Variants in CEP128 observed in about 807,000 individuals in gnomAD.
CEP128 encodes centrosomal protein 128kDa.
CEP128 carries 132 observed loss-of-function variants against 156.7 expected under a neutral mutation model. The observed-to-expected ratio is 0.84, with a 90% CI of 0.73 to 0.97. CEP128 has a LOEUF of 0.97. Among genes scored for constraint, CEP128 ranks in the 50% least tolerant of loss-of-function variants. The pLI is 0.00. For missense variants in CEP128, 1,252 were observed against 1,281.9 expected (o/e 0.98, Z 0.36); for synonymous variants, 469 against 448.9 (o/e 1.04, Z -0.57).
chr14:80,500,693 T>C (rs1020279158), intron 24 of CEP128, among the ~76,000 whole-genome samples: 1 of 152,216 alleles, frequency 6.6e-6, no homozygotes, highest in Non-Finnish European at 1.5e-5. Context: ...TTTTATTTTC[T>C]GTATTTATTT....
chr14:80,509,065 C>T (rs540033138), intron 23 of CEP128, among the ~76,000 whole-genome samples: 4 of 152,136 alleles, frequency 2.6e-5, no homozygotes, highest in Non-Finnish European at 5.9e-5. Context: ...TGAAAACCAT[C>T]AGATCTTGTG....
intron 19 of CEP128, among the ~76,000 whole-genome samples, chr14:80,628,116 T>C (rs1031237987): frequency 3.9e-5 from 6 of 152,330 alleles, no homozygotes; most frequent in African/African-American, 1.2e-4. Flanking sequence ...ATATGGTGGT[T>C]TGACAGATCA....
At chr14:80,850,375 G>A (rs996612372) in intron 9 of CEP128, among the ~76,000 whole-genome samples, 3 of 152,170 alleles carry the variant, frequency 2.0e-5, no homozygotes, top group African/African-American at 7.2e-5. Context: ...TTAATAAACA[G>A]TGTCTACTAC....
intron 2 of CEP128, among the ~76,000 whole-genome samples, chr14:80,929,830 T>C (rs778884470): frequency 2.6e-5 from 4 of 152,140 alleles, no homozygotes; most frequent in African/African-American, 7.2e-5. Context: ...GATTCATCCA[T>C]GTAACCAAAA....
intron 8 of CEP128, among the ~76,000 whole-genome samples, chr14:80,872,958 T>A (rs1334841925): frequency 6.6e-6 from 1 of 152,170 alleles, no homozygotes. Context: ...TACACACCCA[T>A]AAGAAATTTG....
rs553605094 is a variant in CEP128 at position 80,722,111 on chromosome 14, A to T, written c.2806+20964T>A. The stretch of plus-strand genomic sequence containing the variant: ...TTCTCTAAAAGAAATGTAAGAGGGC[A>T]TTTTTCTTGTTTCAGAGCATGGACA... On this transcript the variant is annotated intron_variant, in intron 19 of 24. Coordinates refer to ENST00000555265, the MANE Select transcript of CEP128 (RefSeq NM_152446.5). Among the ~76,000 whole-genome samples the T allele has an allele frequency of 3.5e-3, 539 of 152,216 alleles. 5 individuals are homozygous for T. The highest frequency in any genetic ancestry group is 0.013 in the African/African-American group (526 of 41,534).
At chr14:80,782,060 T>C (rs2139792023) in intron 15 of CEP128, among the ~76,000 whole-genome samples, 1 of 152,318 alleles carries the variant, frequency 6.6e-6, no homozygotes, top group Non-Finnish European at 1.5e-5. Context: ...AATCATTACA[T>C]GCTTGTCCTC....
chr14:80,639,293 C>A (rs1894314503), intron 19 of CEP128, among the ~76,000 whole-genome samples: 1 of 152,048 alleles, frequency 6.6e-6, no homozygotes, highest in Admixed American at 6.5e-5. Flanking sequence ...TGAGTTCAGA[C>A]AAAACAATTT....
chr14:80,623,876 A>T (rs987815808), intron 19 of CEP128, among the ~76,000 whole-genome samples: 2 of 152,358 alleles, frequency 1.3e-5, no homozygotes, highest in African/African-American at 4.8e-5. Flanking sequence ...TGAGCAAATC[A>T]GGGTAATTAA....
intron 16 of CEP128, among the ~76,000 whole-genome samples, chr14:80,770,246 G>A (rs1182364433): frequency 2.6e-5 from 4 of 152,182 alleles, no homozygotes; most frequent in Non-Finnish European, 5.9e-5. Context: ...CTCTTTGATT[G>A]TAAATAGTTG....
intron 2 of CEP128, among the ~76,000 whole-genome samples, chr14:80,949,136 A>G (rs1376006395): frequency 2.0e-5 from 3 of 152,202 alleles, no homozygotes; most frequent in South Asian, 2.1e-4. Flanking sequence ...AATGCTTTTC[A>G]AGGCAGCGGC....
At position 80,654,345 on chromosome 14, in the gene CEP128, G is replaced by C. The variant is rs978422919; in HGVS notation, c.2807-73922C>G. On this transcript the variant is annotated intron_variant, in intron 19 of 24. Transcript: ENST00000555265. ...CCAAGATAGGAAGATGAAGGGCTTG[G>C]GAGATACAGTTTTTATTTTGTCGTT... is the stretch of plus-strand genomic sequence containing the variant. 3.3e-5 allele frequency among the ~76,000 whole-genome samples: 5 copies of C among 152,090 alleles called. No individual in the cohort carries two copies. The East Asian group carries it at 9.6e-4, about 29-fold the overall frequency.
intron 19 of CEP128, among the ~76,000 whole-genome samples, chr14:80,737,139 C>T (rs1898572026): frequency 6.6e-6 from 1 of 152,198 alleles, no homozygotes; most frequent in Non-Finnish European, 1.5e-5. Context: ...GGTGCAGTGG[C>T]TCATGCCTGT....
intron 7 of CEP128, among the ~76,000 whole-genome samples, chr14:80,899,550 G>A (rs1169494587): frequency 6.6e-6 from 1 of 152,154 alleles, no homozygotes; most frequent in Non-Finnish European, 1.5e-5. Context: ...AATGGCTTAT[G>A]TCCACTGACA....
At chr14:80,918,573 A>C (rs570335827) in intron 2 of CEP128, among the ~76,000 whole-genome samples, 1 of 152,320 alleles carries the variant, frequency 6.6e-6, no homozygotes, top group South Asian at 2.1e-4. Context: ...TAGAATGCAA[A>C]CCCAAGATTC....
At chr14:80,853,711 T>C (rs1887009798) in intron 9 of CEP128, among the ~76,000 whole-genome samples, 1 of 151,972 alleles carries the variant, frequency 6.6e-6, no homozygotes, top group Admixed American at 6.6e-5. Context: ...TTTCATGGAA[T>C]AGGACAAGAG....
chr14:80,528,348 G>T (rs1271084113), intron 22 of CEP128, among the ~76,000 whole-genome samples: 1 of 152,244 alleles, frequency 6.6e-6, no homozygotes, highest in East Asian at 1.9e-4. Flanking sequence ...GAGTGCAATG[G>T]CACGATCTCA....
At chr14:80,955,830 A>G in intron 2 of CEP128, 1 of 1,614,186 alleles carries the variant, frequency 6.2e-7, no homozygotes, top group African/African-American at 1.3e-5. Context: ...TCCCCAGCTT[A>G]CCGCCCAGTA....
At chr14:80,681,009 ATATACCATGCTGGC>A (rs1595206848) in intron 19 of CEP128, among the ~76,000 whole-genome samples, 3 of 144,612 alleles carry the variant, frequency 2.1e-5, no homozygotes, top group South Asian at 2.1e-4. Context: ...TACTATACGT[ATATACCATGCTGGC>A]TATATACCAT....
Sources: gnomAD v4.1 joint callset for allele counts (sites outside exome capture counted in the v4.1 genomes callset) on GRCh38, gnomAD v4.1.1 for gene constraint, MANE v1.5 for transcripts, NCBI Gene and HGNC (gene_info 2026-07-23, HGNC 2026-07-21) for gene names.